The following SLC22A25 variants were observed in gnomAD, a reference collection of about 807,000 sequenced individuals.
SLC22A25 encodes the protein solute carrier family 22 member 25.
A neutral mutation model predicts 45.9 loss-of-function variants in SLC22A25; 44 were observed. That is an observed-to-expected ratio of 0.96 (90% CI 0.75 to 1.23). The LOEUF is 1.23. Ranked by LOEUF, SLC22A25 falls within the 50% of genes most tolerant of loss-of-function variation. The probability of loss-of-function intolerance (pLI) is 0.00; values close to 1 mark genes in which losing one functional copy is unlikely to be tolerated. For missense variants in SLC22A25, 800 were observed against 666.4 expected (o/e 1.20, Z -2.21); for synonymous variants, 283 against 238.6 (o/e 1.19, Z -1.72).
intron 5 of SLC22A25, among the ~76,000 whole-genome samples, chr11:63,228,041 T>G (rs1469221875): frequency 6.6e-6 from 1 of 152,222 alleles, no homozygotes; most frequent in East Asian, 1.9e-4. Flanking sequence ...AAGACTGTCT[T>G]TCCTACCCCC....
At chr11:63,218,055 T>C in intron 5 of SLC22A25, 1 of 527,238 alleles carries the variant, frequency 1.9e-6, no homozygotes, top group Non-Finnish European at 3.6e-6. Flanking sequence ...GACAAATTGT[T>C]CTACCAAAAA....
At chr11:63,187,358 G>T (rs568444067) in intron 7 of SLC22A25, among the ~76,000 whole-genome samples, 2 of 152,062 alleles carry the variant, frequency 1.3e-5, no homozygotes, top group Non-Finnish European at 2.9e-5. Context: ...TCTGTTATTG[G>T]TGTATAAGAA....
chr11:63,218,340 GA>G (rs1387827142), intron 5 of SLC22A25: 1 of 244,394 alleles, frequency 4.1e-6, no homozygotes, highest in Non-Finnish European at 8.0e-6. Context: ...AGATGCTGGG[GA>G]CTACAAGAGT....
At chr11:63,185,817 G>A (rs2088517910) in intron 7 of SLC22A25, among the ~76,000 whole-genome samples, 1 of 147,260 alleles carries the variant, frequency 6.8e-6, no homozygotes, top group South Asian at 2.2e-4. Flanking sequence ...TCTTGCGATA[G>A]TTTACTGAGA....
At chr11:63,169,355 T>A (rs780968671) in intron 9 of SLC22A25, among the ~76,000 whole-genome samples, 3 of 152,188 alleles carry the variant, frequency 2.0e-5, no homozygotes, top group African/African-American at 4.8e-5. Context: ...AATGCCCCAA[T>A]TAAAAGACAC....
chr11:63,159,394 C>T lies in SLC22A25; in HGVS notation c.*4430G>A, dbSNP rs890263995. ...TTGAATCATGGGGCCAGGTCTTTCC[C>T]GTGCTATTCTTGTGATACTGAATAA... On this transcript the variant is annotated 3_prime_UTR_variant, in exon 12 of 12. Transcript: ENST00000306494. Among the ~76,000 whole-genome samples the T allele has an allele frequency of 5.3e-5, 8 of 152,054 alleles. No homozygotes were observed. The highest frequency in any genetic ancestry group is 2.1e-4 in the South Asian group (1 of 4,826).
At chr11:63,225,216 C>T (rs927375718) in intron 5 of SLC22A25, among the ~76,000 whole-genome samples, 1 of 152,180 alleles carries the variant, frequency 6.6e-6, no homozygotes, top group Non-Finnish European at 1.5e-5. Context: ...GTATTTACTA[C>T]TAGCAGGGAG....
At chr11:63,165,030 A>C (rs552366395) in intron 10 of SLC22A25, among the ~76,000 whole-genome samples, 10 of 152,130 alleles carry the variant, frequency 6.6e-5, no homozygotes, top group Non-Finnish European at 1.5e-4. Flanking sequence ...CCATGTCCTC[A>C]TAGATTTTAA....
intron 7 of SLC22A25, among the ~76,000 whole-genome samples, chr11:63,214,732 T>A (rs2089666509): frequency 6.7e-6 from 1 of 150,066 alleles, no homozygotes; most frequent in African/African-American, 2.5e-5. Context: ...CCTGCACAGA[T>A]CTCCCCCCAC....
chr11:63,232,438 T>C (rs1420886795), intron 3 of SLC22A25, among the ~76,000 whole-genome samples: 5 of 152,238 alleles, frequency 3.3e-5, no homozygotes, highest in Admixed American at 3.3e-4. Flanking sequence ...TCTGTTTGTC[T>C]GCTATTGGTG....
At chr11:63,188,994 G>A (rs534281130) in intron 7 of SLC22A25, among the ~76,000 whole-genome samples, 4 of 152,224 alleles carry the variant, frequency 2.6e-5, no homozygotes, top group Admixed American at 2.0e-4. Flanking sequence ...AATAAGTGCG[G>A]TGTGGTGCTG....
In SLC22A25 at chr11:63,243,442, T is replaced by C; in HGVS notation, c.-1004A>G. On this transcript the variant is annotated 5_prime_UTR_variant, in exon 1 of 12. Coordinates refer to ENST00000306494, the MANE Select transcript of SLC22A25 (RefSeq NM_199352.6). ...CTCTGGCCACGATTTACCTGGACTG[T>C]TTCTTCGCCAGGATCCCAACTTCAA... The C allele has an allele frequency of 1.3e-6, 1 of 754,136 alleles. No individual in the cohort carries two copies. The highest frequency in any genetic ancestry group is 2.5e-6 in the Non-Finnish European group (1 of 402,060). 46.7% of individuals were successfully genotyped at this position (754,136 alleles called of 1,614,324 possible).
intron 5 of SLC22A25, among the ~76,000 whole-genome samples, chr11:63,226,933 G>T: frequency 6.6e-6 from 1 of 152,162 alleles, no homozygotes; most frequent in East Asian, 1.9e-4. Flanking sequence ...TACCGCCACA[G>T]GCCCATGTGG....
intron 9 of SLC22A25, chr11:63,166,634 G>T: frequency 9.9e-7 from 1 of 1,008,110 alleles, no homozygotes; most frequent in South Asian, 4.2e-5. Flanking sequence ...ACTGATGTCA[G>T]TCAAACTCAC....
At chr11:63,182,556 A>C (rs1431002900) in intron 8 of SLC22A25, among the ~76,000 whole-genome samples, 2 of 151,872 alleles carry the variant, frequency 1.3e-5, no homozygotes, top group Admixed American at 1.3e-4. Flanking sequence ...TTCCATCTGA[A>C]TTTCAACATT....
Position 63,229,568 on chromosome 11 carries a change from C to T in SLC22A25, c.85G>A (p.Val29Ile), listed in dbSNP as rs370074611. The change falls in exon 4 of 12, where the codon GTC (valine) becomes ATC (isoleucine). Residue 29 changes from valine (V) to isoleucine (I), a missense_variant. Physicochemically the swap from Val to Ile is conservative, Grantham distance 29. Coordinates refer to ENST00000306494, the MANE Select transcript of SLC22A25 (RefSeq NM_199352.6). Reference protein sequence around the residue: ...LQMVFLIMFNVIVYHQTQLEN... With the variant: ...LQMVFLIMFNIIVYHQTQLEN... ...AGCTGAGTTTGATGGTATACTATGA[C>T]GTTGAACATTATAAGGAAAACCATC... The T allele has an allele frequency of 8.8e-5, 142 of 1,613,972 alleles. No individual in the cohort carries two copies. The highest frequency in any genetic ancestry group is 1.9e-4 in the South Asian group (17 of 91,070).
At chr11:63,198,214 C>T (rs571309388) in intron 7 of SLC22A25, among the ~76,000 whole-genome samples, 1 of 152,234 alleles carries the variant, frequency 6.6e-6, no homozygotes, top group African/African-American at 2.4e-5. Context: ...CCCAGCGATC[C>T]CATTACTGGG....
At chr11:63,190,197 T>A (rs1407754277) in intron 7 of SLC22A25, among the ~76,000 whole-genome samples, 1 of 152,224 alleles carries the variant, frequency 6.6e-6, no homozygotes, top group Non-Finnish European at 1.5e-5. Context: ...AGATGTAGAT[T>A]TGGTCTTTTC....
chr11:63,237,044 T>C (rs1187294056), intron 3 of SLC22A25, among the ~76,000 whole-genome samples: 1 of 152,206 alleles, frequency 6.6e-6, no homozygotes, highest in Non-Finnish European at 1.5e-5. Flanking sequence ...TAAACTCATG[T>C]TGAAATTTAA....
Sources: allele counts gnomAD v4.1 joint callset (sites outside exome capture counted in the v4.1 genomes callset), GRCh38; gene constraint gnomAD v4.1.1; transcripts MANE v1.5; gene names NCBI Gene and HGNC (gene_info 2026-07-23, HGNC 2026-07-21).